Variants in SPATA13 observed in about 807,000 individuals in gnomAD.
SPATA13 encodes spermatogenesis-associated protein 13.
In SPATA13, 50 loss-of-function variants were observed where a neutral mutation model predicts 104.0. The observed-to-expected ratio is 0.48, with a 90% CI of 0.38 to 0.61. The LOEUF (loss-of-function observed/expected upper bound fraction) is 0.61. SPATA13 is among the 20% of genes least tolerant of loss of function. The probability of loss-of-function intolerance (pLI) is 0.00; values close to 1 mark genes in which losing one functional copy is unlikely to be tolerated. For missense variants in SPATA13, 1,524 were observed against 1,690.6 expected, an observed-to-expected ratio of 0.90 and a Z score of 1.73; for synonymous variants, 606 against 667.5, an observed-to-expected ratio of 0.91 and a Z score of 1.42.
chr13:24,264,911 T>C (rs987062313), intron 4 of SPATA13, among the ~76,000 whole-genome samples: 2 of 152,226 alleles, frequency 1.3e-5, no homozygotes, highest in African/African-American at 4.8e-5. Flanking sequence ...AGTATCTTGT[T>C]TGGAGCTGTG....
At position 24,192,802 on chromosome 13, in the gene SPATA13, G is replaced by T. The variant is rs117197525; in HGVS notation, c.-111-30017G>T. On this transcript the variant is annotated intron_variant, in intron 1 of 12. Transcript: ENST00000382108. ...TTGAAGATCTCAAGGATTTTGAGAGGGTGACATGGGAAAAAAAGGCCTTCT... is the reference window on the plus strand; with the variant it reads ...TTGAAGATCTCAAGGATTTTGAGAGTGTGACATGGGAAAAAAAGGCCTTCT... 4.9e-3 allele frequency among the ~76,000 whole-genome samples: 740 copies of T among 152,190 alleles called. 2 individuals carry two copies. Among genetic ancestry groups the T allele is most frequent in the Non-Finnish European group, 8.1e-3 (553 of 68,006 alleles).
chr13:24,010,932 A>G (rs1205773428), intron 2 of SPATA13, among the ~76,000 whole-genome samples: 2 of 151,132 alleles, frequency 1.3e-5, no homozygotes, highest in Non-Finnish European at 3.0e-5. Flanking sequence ...GCTTTGCCCC[A>G]CTGGTGACTG....
At chr13:24,158,192 T>G (rs1430769297), upstream of SPATA13, among the ~76,000 whole-genome samples, 1 of 152,136 alleles carries the variant, frequency 6.6e-6, no homozygotes, top group African/African-American at 2.4e-5. Context: ...GTTAGAGTCT[T>G]GAGTACCAAA....
rs753262667 is a variant in SPATA13, at chr13:24,028,759, CT to C, written c.-112+11061del. ...AGCTTTTACTCACATCTTTCTGTCACTTTCTTTACTCAACTGTGTGTAATCT... is the reference window on the plus strand; with the variant it reads ...AGCTTTTACTCACATCTTTCTGTCACTTCTTTACTCAACTGTGTGTAATCT... On this transcript the variant is annotated intron_variant, in intron 3 of 14. Transcript: ENST00000424834. Among the ~76,000 whole-genome samples, 358 of 152,302 alleles carry C rather than the reference CT, an allele frequency of 2.4e-3. 3 individuals carry two copies. The highest frequency in any genetic ancestry group is 3.0e-3 in the Non-Finnish European group (201 of 68,024).
intron 3 of SPATA13, among the ~76,000 whole-genome samples, chr13:24,104,423 G>A (rs773237709): frequency 1.3e-5 from 2 of 152,116 alleles, no homozygotes; most frequent in Non-Finnish European, 2.9e-5. Flanking sequence ...GCATAAATCC[G>A]CTAATCCTTA....
In SPATA13 at chr13:24,037,364, T is replaced by TA. The variant is rs916144606; in HGVS notation, c.-112+19673dup. On this transcript the variant is annotated intron_variant, in intron 3 of 14. Transcript: ENST00000424834. ...ACTTAAAGTATAATTTTAAAAAAAT[T>TA]AAAAAAAAAAGAAAAGAAAACAGGT... is the stretch of plus-strand genomic sequence containing the variant. Among the ~76,000 whole-genome samples, 271 of 148,108 alleles carry TA rather than the reference T, an allele frequency of 1.8e-3. 1 individual carries two copies. The highest frequency in any genetic ancestry group is 7.0e-3 in the Middle Eastern group (2 of 286).
At chr13:24,170,501 C>T (rs1043021050) in intron 1 of SPATA13, among the ~76,000 whole-genome samples, 3 of 152,130 alleles carry the variant, frequency 2.0e-5, no homozygotes, top group Non-Finnish European at 4.4e-5. Flanking sequence ...AATTGTCTGT[C>T]GTCAGCAAGA....
chr13:24,245,245 G>A (rs191117139), intron 2 of SPATA13, among the ~76,000 whole-genome samples: 90 of 151,612 alleles, frequency 5.9e-4, no homozygotes, highest in African/African-American at 2.0e-3. Context: ...TCCCTGGAAT[G>A]AACCTGGGTG....
intron 1 of SPATA13, among the ~76,000 whole-genome samples, chr13:24,180,186 G>A (rs1868709019): frequency 6.6e-6 from 1 of 152,280 alleles, no homozygotes; most frequent in East Asian, 1.9e-4. Flanking sequence ...TGTAAGGGAA[G>A]ATCTCATTTC....
intron 1 of SPATA13, among the ~76,000 whole-genome samples, chr13:24,192,172 G>A (rs990048490): frequency 6.6e-6 from 1 of 152,052 alleles, no homozygotes; most frequent in African/African-American, 2.4e-5. Context: ...CTCATAGGGG[G>A]CACAAAAGCA....
intron 3 of SPATA13, among the ~76,000 whole-genome samples, chr13:24,154,516 G>C (rs1317956401): frequency 6.6e-6 from 1 of 152,202 alleles, no homozygotes; most frequent in East Asian, 1.9e-4. Context: ...GGGGTACTGG[G>C]CATTGCTAAC....
At chr13:24,124,804 TACATTCC>T (rs1881156832) in intron 3 of SPATA13, among the ~76,000 whole-genome samples, 1 of 152,228 alleles carries the variant, frequency 6.6e-6, no homozygotes, top group African/African-American at 2.4e-5. Context: ...GTTAGTTTCT[TACATTCC>T]ACATAGACTA....
At chr13:24,054,981 C>T (rs952242739) in intron 3 of SPATA13, among the ~76,000 whole-genome samples, 1 of 152,182 alleles carries the variant, frequency 6.6e-6, no homozygotes, top group South Asian at 2.1e-4. Context: ...TATTATTTTA[C>T]ACTCATAATT....
chr13:24,303,068 G>A lies in SPATA13; in HGVS notation c.*295G>A, dbSNP rs376883778. 1.1e-5 allele frequency: 5 copies of A among 444,828 alleles called. No individual in the cohort carries two copies. The East Asian group carries it at 1.4e-4, about 12-fold the overall frequency. 27.6% of individuals were successfully genotyped at this position (444,828 alleles called of 1,614,324 possible). A position where few individuals can be genotyped will look rare whatever the true frequency, so the allele number is the denominator to read the frequency against. ...TACCATGCTCTAAAGCGAGTGATTA[G>A]GCAGCAGCTGAAGCCACCCCTGCTG... is the stretch of plus-strand genomic sequence containing the variant. On this transcript the variant is annotated 3_prime_UTR_variant, in exon 13 of 13. Transcript: ENST00000382108.
intron 3 of SPATA13, among the ~76,000 whole-genome samples, chr13:24,151,912 T>C (rs1208282889): frequency 6.6e-6 from 1 of 152,192 alleles, no homozygotes; most frequent in Non-Finnish European, 1.5e-5. Flanking sequence ...ACTAGTGAAT[T>C]GATATTGCCC....
At chr13:24,018,226 C>A (rs17349764) in intron 3 of SPATA13, among the ~76,000 whole-genome samples, 3,452 of 152,270 alleles carry the variant, frequency 0.023, 54 homozygotes, top group South Asian at 0.063. Context: ...TGCACGTGTT[C>A]ATAAATATGA....
intron 2 of SPATA13, among the ~76,000 whole-genome samples, chr13:23,984,572 G>A (rs1875058889): frequency 6.6e-6 from 1 of 152,118 alleles, no homozygotes. Flanking sequence ...TCCAACCCCA[G>A]TCATACCCCT....
At chr13:24,287,342 A>G (rs139914597) in intron 7 of SPATA13, among the ~76,000 whole-genome samples, 102 of 152,254 alleles carry the variant, frequency 6.7e-4, no homozygotes, top group African/African-American at 2.4e-3. Flanking sequence ...TCTAAATTTT[A>G]TATAGAGATA....
At chr13:24,064,672 GAC>G (rs1008426457) in intron 3 of SPATA13, among the ~76,000 whole-genome samples, 107 of 152,294 alleles carry the variant, frequency 7.0e-4, no homozygotes, top group African/African-American at 2.5e-3. Context: ...AATTGTGAAA[GAC>G]AAATTTCTGT....
Sources: gnomAD v4.1 joint callset for allele counts (sites outside exome capture counted in the v4.1 genomes callset) on GRCh38, gnomAD v4.1.1 for gene constraint, MANE v1.5 for transcripts, NCBI Gene and HGNC (gene_info 2026-07-23, HGNC 2026-07-21) for gene names.